CDK13: variants seen among roughly 807,000 people sequenced by gnomAD.
CDK13 encodes cyclin-dependent kinase 13.
In CDK13, 40 loss-of-function variants were observed where a neutral mutation model predicts 137.6. The ratio of observed to expected loss-of-function variants is 0.29; its 90% CI spans 0.23 to 0.38. The LOEUF (loss-of-function observed/expected upper bound fraction) is 0.38. CDK13 is among the 10% of genes least tolerant of loss of function. CDK13 has a pLI of 1.00. For synonymous variants in CDK13, 869 were observed against 760.1 expected (o/e 1.14, Z -2.36); for missense variants, 1,704 against 1,951.8 (o/e 0.87, Z 2.39).
chr7:40,016,462 C>CT lies in CDK13; in HGVS notation c.2353+14434dup, dbSNP rs1283031338. On this transcript the variant is annotated intron_variant, in intron 5 of 13. Transcript: ENST00000181839. ...TTACTATGCCATGTGATAGGAGAGA[C>CT]TTTATATAGTAGTTGATCCATCATA... Among the ~76,000 whole-genome samples, 5 of 152,290 alleles carry CT rather than the reference C, an allele frequency of 3.3e-5. No homozygotes were observed. The East Asian group carries it at 9.6e-4, about 29-fold the overall frequency.
chr7:40,091,689 A>C (rs908797855), intron 12 of CDK13, among the ~76,000 whole-genome samples: 1 of 152,240 alleles, frequency 6.6e-6, no homozygotes, highest in African/African-American at 2.4e-5. Context: ...CTGTGGTAAT[A>C]GGGAAATGAA....
At chr7:40,058,102 T>A (rs1786061107) in intron 7 of CDK13, among the ~76,000 whole-genome samples, 1 of 152,006 alleles carries the variant, frequency 6.6e-6, no homozygotes, top group Non-Finnish European at 1.5e-5. Context: ...GGAAGTAAAT[T>A]GGAGCTAAGA....
At position 40,018,804 on chromosome 7, in the gene CDK13, G is replaced by A. The variant is rs531683872; in HGVS notation, c.2353+16773G>A. Among the ~76,000 whole-genome samples the A allele has an allele frequency of 2.2e-3, 331 of 152,202 alleles. 1 individual carries two copies. The highest frequency in any genetic ancestry group is 8.3e-3 in the South Asian group (40 of 4,826). On this transcript the variant is annotated intron_variant, in intron 5 of 13. Coordinates refer to ENST00000181839, the MANE Select transcript of CDK13 (RefSeq NM_003718.5). ...TACAGTGTACACTACTCGGGTGACAGGGGCACTAAAATTTCATACTTCACC... is the reference window on the plus strand; with the variant it reads ...TACAGTGTACACTACTCGGGTGACAAGGGCACTAAAATTTCATACTTCACC...
intron 12 of CDK13, among the ~76,000 whole-genome samples, chr7:40,089,721 AGAGTGTGT>A (rs1239094080): frequency 7.9e-5 from 10 of 126,756 alleles, no homozygotes; most frequent in African/African-American, 3.7e-4. Context: ...AGAGAGAGAG[AGAGTGTGT>A]GTGTGTGTGT....
chr7:39,990,400 A>G (rs1439124602), intron 2 of CDK13, among the ~76,000 whole-genome samples: 5 of 152,174 alleles, frequency 3.3e-5, no homozygotes, highest in Admixed American at 2.0e-4. Flanking sequence ...CACCAATGGA[A>G]CTTTCCTTAT....
intron 1 of CDK13, among the ~76,000 whole-genome samples, chr7:39,972,614 A>G (rs2116195321): frequency 6.6e-6 from 1 of 152,342 alleles, no homozygotes; most frequent in South Asian, 2.1e-4. Context: ...CTAAAGCATA[A>G]TGTTTTCAAG....
intron 1 of CDK13, among the ~76,000 whole-genome samples, chr7:39,983,734 A>G (rs886282980): frequency 3.2e-4 from 48 of 152,214 alleles, no homozygotes; most frequent in Admixed American, 1.3e-3. Flanking sequence ...GACGTATATC[A>G]GACTTGTTTG....
At chr7:39,991,153 T>G (rs796695198) in intron 2 of CDK13, among the ~76,000 whole-genome samples, 4 of 152,368 alleles carry the variant, frequency 2.6e-5, no homozygotes, top group African/African-American at 9.6e-5. Flanking sequence ...GTAATTTTGT[T>G]TACAAGTTTC....
At chr7:39,998,732 A>G (rs1428726407) in intron 3 of CDK13, 1 of 152,104 alleles carries the variant, frequency 6.6e-6, no homozygotes, top group African/African-American at 2.4e-5. Context: ...ATACTACAAA[A>G]TTATGTATCT....
At chr7:40,066,557 G>A (rs750277709) in intron 9 of CDK13, 25 of 152,174 alleles carry the variant, frequency 1.6e-4, no homozygotes, top group Non-Finnish European at 2.6e-4. Context: ...TAGTTTAAGC[G>A]TAGATACAGT....
chr7:39,951,116 C>T lies in CDK13; in HGVS notation c.475C>T (p.Leu159=), dbSNP rs1787162458. The change falls in exon 1 of 14, where the codon CTG becomes TTG. Residue 159 remains leucine (L), a synonymous_variant. Transcript: ENST00000181839. ...CTCCCAGTCCGAGCAGGGGCTGCTG[C>T]TGGGGGGGGCCAGCGCGGCAACGGC... ...VSSQSEQGLL[L]GGASAATAAT... 4.0e-6 allele frequency: 5 copies of T among 1,245,180 alleles called. No homozygotes were observed. Among genetic ancestry groups the T allele is most frequent in the Non-Finnish European group, 5.0e-6 (5 of 995,808 alleles). 77.1% of individuals were successfully genotyped at this position (1,245,180 alleles called of 1,614,324 possible). A position where few individuals can be genotyped will look rare whatever the true frequency, so the allele number is the denominator to read the frequency against.
At chr7:40,032,543 T>C (rs1785402946) in intron 5 of CDK13, among the ~76,000 whole-genome samples, 2 of 152,240 alleles carry the variant, frequency 1.3e-5, no homozygotes. Flanking sequence ...CTTTGATCCA[T>C]TTTGAGTTAA....
rs1245263146 is a variant in CDK13 at position 40,097,531 on chromosome 7, C to A, written c.*2551C>A. 6.6e-6 allele frequency: 1 copy of A among 152,060 alleles called. No homozygotes were observed. The highest frequency in any genetic ancestry group is 1.5e-5 in the Non-Finnish European group (1 of 67,958). The allele number at this position is 152,060 out of a possible 1,614,324, so 9.4% of individuals were successfully genotyped here. A position where few individuals can be genotyped will look rare whatever the true frequency, so the allele number is the denominator to read the frequency against. ...AAATCACTAGTTCTGTAGGTTATAA[C>A]AGCAGTCATCGCTGAAAATTTGAGT... On this transcript the variant is annotated 3_prime_UTR_variant, in exon 14 of 14. Coordinates refer to ENST00000181839, the MANE Select transcript of CDK13 (RefSeq NM_003718.5).
chr7:39,979,046 A>C (rs1049752306), intron 1 of CDK13, among the ~76,000 whole-genome samples: 3 of 152,082 alleles, frequency 2.0e-5, no homozygotes, highest in African/African-American at 7.2e-5. Flanking sequence ...GAAAGTTGTG[A>C]AAGTTTGGAA....
At chr7:39,983,500 G>T (rs769780664) in intron 1 of CDK13, among the ~76,000 whole-genome samples, 29 of 152,164 alleles carry the variant, frequency 1.9e-4, no homozygotes, top group Non-Finnish European at 3.1e-4. Flanking sequence ...GAGATTAATA[G>T]TTCAGAAGAA....
rs747651031 is a variant in CDK13, at chr7:39,987,996, G to A, written c.1609G>A (p.Ala537Thr). ...SSGGTLKNDK[A>T]KTKPPLQVTK... ...TGGTGGAACTTTAAAAAATGACAAA[G>A]CAAAAACAAAGCCACCTCTTCAGGT... Residue 537 changes from alanine (A) to threonine (T), a missense_variant, in exon 2 of 14, where the codon GCA becomes ACA. Around this residue, in one of 5 missense-constraint regions of CDK13, gnomAD observed 1,051 missense variants for 931.0 expected, o/e 1.13. Transcript: ENST00000181839. 7.4e-6 allele frequency: 12 copies of A among 1,613,798 alleles called. No homozygotes were observed. In the East Asian group the frequency reaches 2.2e-4, roughly 30 times the overall value.
chr7:40,099,511 C>T lies in CDK13; in HGVS notation c.*4531C>T, dbSNP rs1189234681. On this transcript the variant is annotated 3_prime_UTR_variant, in exon 14 of 14. Transcript: ENST00000181839. Reference sequence around the variant, plus strand: ...TTAACATCTAATGTATTAATATAAGCCATTTGTTTTTTACCATTTTTTTAA... The same window carrying T: ...TTAACATCTAATGTATTAATATAAGTCATTTGTTTTTTACCATTTTTTTAA... 1 of 151,972 alleles carries T rather than the reference C, an allele frequency of 6.6e-6. No homozygotes were observed. Among genetic ancestry groups the T allele is most frequent in the Admixed American group, 6.6e-5 (1 of 15,260 alleles). 9.4% of individuals were successfully genotyped at this position (151,972 alleles called of 1,614,324 possible).
intron 13 of CDK13, 127 bp from the exon 14 acceptor site, chr7:40,094,003 A>T: frequency 1.7e-6 from 2 of 1,159,160 alleles, no homozygotes; most frequent in African/African-American, 3.2e-5. Context: ...TGCTTTTTTC[A>T]TTTAACATTT....
At chr7:40,083,875 T>C (rs911750519) in intron 11 of CDK13, among the ~76,000 whole-genome samples, 4 of 152,188 alleles carry the variant, frequency 2.6e-5, no homozygotes, top group Non-Finnish European at 5.9e-5. Context: ...TATAATATAA[T>C]ATCTCTCACT....
Sources: allele counts gnomAD v4.1 joint callset (sites outside exome capture counted in the v4.1 genomes callset), GRCh38; gene constraint gnomAD v4.1.1; regional missense constraint gnomAD v4.1.1; transcripts MANE v1.5; gene names NCBI Gene and HGNC (gene_info 2026-07-23, HGNC 2026-07-21).